ANKRD11: variants seen among roughly 807,000 people sequenced by gnomAD.
ANKRD11 encodes ankyrin repeat domain 11, also known as ankyrin repeat domain-containing protein 11.
ANKRD11 carries 17 observed loss-of-function variants against 195.7 expected under a neutral mutation model. That is an observed-to-expected ratio of 0.09 (90% CI 0.06 to 0.13). The LOEUF is 0.13. ANKRD11 is among the 10% of genes least tolerant of loss of function. The probability of loss-of-function intolerance (pLI) is 1.00; values close to 1 mark genes in which losing one functional copy is unlikely to be tolerated. For missense variants in ANKRD11, 3,735 were observed against 3,566.1 expected (o/e 1.05, Z -1.21); for synonymous variants, 1,953 against 1,528.1 (o/e 1.28, Z -6.49).
At chr16:89,278,828 G>C (rs544985905) in intron 9 of ANKRD11, 4 of 691,354 alleles carry the variant, frequency 5.8e-6, no homozygotes, top group Non-Finnish European at 1.0e-5. Flanking sequence ...GTGAGGGGGA[G>C]GTCAGGAGAC....
intron 2 of ANKRD11, among the ~76,000 whole-genome samples, chr16:89,367,474 C>G (rs2039998492): frequency 6.6e-6 from 1 of 152,196 alleles, no homozygotes; most frequent in Non-Finnish European, 1.5e-5. Flanking sequence ...GCGACGCTCT[C>G]AAACAACCCG....
chr16:89,459,748 G>C (rs752672401), intron 1 of ANKRD11, among the ~76,000 whole-genome samples: 1 of 152,024 alleles, frequency 6.6e-6, no homozygotes, highest in Admixed American at 6.6e-5. Flanking sequence ...TTCTTGAGGC[G>C]TCTGAGACCA....
At chr16:89,353,350 A>AAG (rs112221236) in intron 2 of ANKRD11, among the ~76,000 whole-genome samples, 2,649 of 149,518 alleles carry the variant, frequency 0.018, 69 homozygotes, top group African/African-American at 0.05. Context: ...TCCAAAAAAA[A>AAG]AGAGAGAGAG....
intron 12 of ANKRD11, 73 bp from the exon 13 acceptor site, chr16:89,268,736 G>A: frequency 6.6e-7 from 1 of 1,514,492 alleles, no homozygotes. Flanking sequence ...GACCTCAGCT[G>A]CCAGCAGGGC....
intron 2 of ANKRD11, among the ~76,000 whole-genome samples, chr16:89,341,400 A>G (rs957685337): frequency 6.6e-6 from 1 of 152,212 alleles, no homozygotes; most frequent in African/African-American, 2.4e-5. Context: ...GGTTGGAGGG[A>G]TAAGGCCCCA....
chr16:89,490,552 G>T lies in ANKRD11; in HGVS notation c.-452C>A, dbSNP rs1288224594. ...CTCGGTCCATCGCGCACCGTCTCAG[G>T]GCGGCCTCTGGCTCCAGGACCCAGC... is the stretch of plus-strand genomic sequence containing the variant. On this transcript the variant is annotated 5_prime_UTR_variant, in exon 1 of 13. Transcript: ENST00000301030. 9.4e-6 allele frequency: 4 copies of T among 424,900 alleles called. No homozygotes were observed. The highest frequency in any genetic ancestry group is 1.2e-5 in the Non-Finnish European group (3 of 240,984). The allele number at this position is 424,900 out of a possible 1,614,324, so 26.3% of individuals were successfully genotyped here.
chr16:89,428,071 G>A (rs2042795269), intron 1 of ANKRD11, among the ~76,000 whole-genome samples: 1 of 151,442 alleles, frequency 6.6e-6, no homozygotes, highest in African/African-American at 2.4e-5. Flanking sequence ...AGCCAGACAT[G>A]GTGGCGCGCG....
At position 89,284,834 on chromosome 16, in the gene ANKRD11, T is replaced by C. The variant is rs747071647; in HGVS notation, c.1708A>G (p.Arg570Gly). 3 of 1,614,002 alleles carry C rather than the reference T, an allele frequency of 1.9e-6. No individual in the cohort carries two copies. The East Asian group carries it at 6.7e-5, about 36-fold the overall frequency. Residue 570 changes from arginine (R) to glycine (G), a missense_variant, in exon 9 of 13, where the codon AGG becomes GGG. Physicochemically the swap from Arg to Gly is moderately radical, Grantham distance 125 (BLOSUM62 -2). Coordinates refer to ENST00000301030, the MANE Select transcript of ANKRD11 (RefSeq NM_013275.6). ...TCAGACTCGCTTGTCAGTCTCGTCC[T>C]TGTGGAGTCTGATAAAGAACTGACC... is the stretch of plus-strand genomic sequence containing the variant. ...SEVSSLSDST[R>G]TRLTSESDYS... is the part of the protein sequence containing the mutation.
intron 1 of ANKRD11, among the ~76,000 whole-genome samples, chr16:89,456,942 G>GT (rs1483363568): frequency 2.2e-5 from 3 of 136,780 alleles, no homozygotes; most frequent in Non-Finnish European, 4.8e-5. Flanking sequence ...GTGGTGGGGT[G>GT]TTCGTTATGT....
chr16:89,475,471 T>C (rs1366546185), intron 1 of ANKRD11, among the ~76,000 whole-genome samples: 1 of 152,200 alleles, frequency 6.6e-6, no homozygotes, highest in Non-Finnish European at 1.5e-5. Flanking sequence ...ATGAAAATTA[T>C]TCTCTATTAA....
intron 2 of ANKRD11, among the ~76,000 whole-genome samples, chr16:89,347,606 G>GT (rs1555549005): frequency 1.3e-5 from 1 of 79,318 alleles, no homozygotes; most frequent in Non-Finnish European, 2.5e-5. Flanking sequence ...GCGAGACTCC[G>GT]TAAAAAAAAA....
intron 2 of ANKRD11, among the ~76,000 whole-genome samples, chr16:89,402,371 G>A (rs934397564): frequency 1.2e-4 from 19 of 152,226 alleles, no homozygotes; most frequent in South Asian, 4.1e-4. Context: ...GGGATTGAGC[G>A]CTTATTTAAA....
chr16:89,280,312 A>T lies in ANKRD11; in HGVS notation c.6230T>A (p.Leu2077Gln). The change falls in exon 9 of 13, where the codon CTG becomes CAG. Residue 2077 changes from leucine to glutamine, a missense_variant. Coordinates refer to ENST00000301030, the MANE Select transcript of ANKRD11 (RefSeq NM_013275.6). The stretch of plus-strand genomic sequence containing the variant: ...ACAGGCGGGCTCGGGGGCCACGTCC[A>T]GCGGGGCTTCCGGAAGTGACTTGCA... ...SNCKSLPEAP[L>Q]DVAPEPACVA... 1 of 1,591,586 alleles carries T rather than the reference A, an allele frequency of 6.3e-7. No homozygotes were observed. Among genetic ancestry groups the T allele is most frequent in the South Asian group, 1.1e-5 (1 of 89,886 alleles).
At chr16:89,288,951 A>C in intron 6 of ANKRD11, 1 of 547,070 alleles carries the variant, frequency 1.8e-6, no homozygotes, top group South Asian at 2.0e-5. Context: ...AAGGGTAGGA[A>C]ATCAGTGAAC....
chr16:89,315,657 G>A (rs1319203730), intron 3 of ANKRD11, among the ~76,000 whole-genome samples: 1 of 152,196 alleles, frequency 6.6e-6, no homozygotes, highest in Non-Finnish European at 1.5e-5. Flanking sequence ...CGAGGAGCTT[G>A]GGACAGAGCA....
At chr16:89,318,999 T>C (rs1405781992) in intron 2 of ANKRD11, among the ~76,000 whole-genome samples, 2 of 152,248 alleles carry the variant, frequency 1.3e-5, no homozygotes, top group Non-Finnish European at 2.9e-5. Flanking sequence ...TCTCAGCACC[T>C]GACTCGGAAG....
chr16:89,446,811 C>G (rs935083005), intron 1 of ANKRD11, among the ~76,000 whole-genome samples: 4 of 152,070 alleles, frequency 2.6e-5, no homozygotes, highest in Admixed American at 2.0e-4. Flanking sequence ...ACTCAAACCT[C>G]GAGCATCCGC....
chr16:89,469,859 G>C (rs911384939), intron 1 of ANKRD11, among the ~76,000 whole-genome samples: 2 of 147,030 alleles, frequency 1.4e-5, no homozygotes, highest in South Asian at 4.4e-4. Context: ...GATCGCGCCC[G>C]GAGACAGAGT....
In ANKRD11 at chr16:89,284,390, G is replaced by A. The variant is rs1333675454; in HGVS notation, c.2152C>T (p.Leu718=). Residue 718 remains leucine (L), a synonymous_variant, in exon 9 of 13, where the codon CTG becomes TTG. Coordinates refer to ENST00000301030, the MANE Select transcript of ANKRD11 (RefSeq NM_013275.6). The part of the protein sequence containing the change: ...KEWLFKDEKS[L]KRIKDTNKDI... ...TTGTTTGTGTCTTTGATTCTCTTCA[G>A]TGATTTTTCATCTTTAAAGAGCCAT... The A allele has an allele frequency of 6.2e-7, 1 of 1,613,672 alleles. No homozygotes were observed. The highest frequency in any genetic ancestry group is 8.5e-7 in the Non-Finnish European group (1 of 1,179,984).
Sources: allele counts gnomAD v4.1 joint callset (sites outside exome capture counted in the v4.1 genomes callset), GRCh38; gene constraint gnomAD v4.1.1; transcripts MANE v1.5; gene names NCBI Gene and HGNC (gene_info 2026-07-23, HGNC 2026-07-21).